Variants in MYZAP observed in about 807,000 individuals in gnomAD.
MYZAP encodes the protein myocardial zonula adherens protein.
MYZAP carries 66 observed loss-of-function variants against 69.4 expected under a neutral mutation model. The ratio of observed to expected loss-of-function variants is 0.95; its 90% CI spans 0.78 to 1.17. The LOEUF (loss-of-function observed/expected upper bound fraction) is 1.17. Among genes scored for constraint, MYZAP ranks in the 50% most tolerant of loss-of-function variants. The pLI is 0.00. For synonymous variants in MYZAP, 256 were observed against 205.9 expected (o/e 1.24, Z -2.09); for missense variants, 611 against 556.2 (o/e 1.10, Z -0.99).
chr15:57,633,592 G>T, intron 7 of MYZAP, 21 bp from the exon 8 acceptor site: 2 of 1,607,562 alleles, frequency 1.2e-6, no homozygotes, highest in Non-Finnish European at 1.7e-6. Context: ...CTGTACTTAG[G>T]AGGGTATATT....
chr15:57,613,686 A>T (rs775106021), intron 2 of MYZAP, among the ~76,000 whole-genome samples: 7 of 152,186 alleles, frequency 4.6e-5, no homozygotes, highest in Admixed American at 6.5e-5. Context: ...GAGGTTTTAA[A>T]AAACTTAATT....
intron 10 of MYZAP, among the ~76,000 whole-genome samples, chr15:57,650,328 T>C (rs556974823): frequency 2.5e-4 from 38 of 152,290 alleles, no homozygotes; most frequent in African/African-American, 8.2e-4. Flanking sequence ...GGGGAGCTTA[T>C]GGGACAGTTG....
At chr15:57,647,411 C>A (rs1411128378) in intron 10 of MYZAP, 2 of 985,260 alleles carry the variant, frequency 2.0e-6, no homozygotes, top group Non-Finnish European at 2.4e-6. Flanking sequence ...TTTAGGGACG[C>A]CTTTATTGCT....
intron 5 of MYZAP, among the ~76,000 whole-genome samples, chr15:57,626,757 G>A (rs1214851401): frequency 1.3e-5 from 2 of 152,116 alleles, no homozygotes; most frequent in Non-Finnish European, 2.9e-5. Context: ...TTCATGTTGG[G>A]ATTCTCCACT....
intron 2 of MYZAP, among the ~76,000 whole-genome samples, chr15:57,615,994 A>G (rs1257920078): frequency 1.3e-5 from 2 of 152,268 alleles, no homozygotes; most frequent in Non-Finnish European, 2.9e-5. Flanking sequence ...AGAAAGGTAT[A>G]AAGAACAAGG....
At chr15:57,606,637 A>G (rs965984532) in intron 2 of MYZAP, among the ~76,000 whole-genome samples, 1 of 151,952 alleles carries the variant, frequency 6.6e-6, no homozygotes, top group Non-Finnish European at 1.5e-5. Context: ...TAAATGACGA[A>G]TTAATGGGTG....
At chr15:57,609,729 T>C (rs112499683) in intron 2 of MYZAP, among the ~76,000 whole-genome samples, 1,551 of 152,302 alleles carry the variant, frequency 0.01, 13 homozygotes, top group South Asian at 0.042. Flanking sequence ...ATTAATAATA[T>C]GGGAGGGAGG....
intron 2 of MYZAP, among the ~76,000 whole-genome samples, chr15:57,614,742 A>T (rs1263969955): frequency 6.6e-6 from 1 of 152,168 alleles, no homozygotes; most frequent in Admixed American, 6.5e-5. Flanking sequence ...TGGAGACGTG[A>T]GTTCCAGTTG....
chr15:57,604,302 C>G lies in MYZAP; in HGVS notation c.109C>G (p.Pro37Ala). 1 of 1,614,192 alleles carries G rather than the reference C, an allele frequency of 6.2e-7. No individual in the cohort carries two copies. The highest frequency in any genetic ancestry group is 8.5e-7 in the Non-Finnish European group (1 of 1,180,032). Residue 37 changes from proline (P) to alanine (A), a missense_variant, in exon 2 of 13, where the codon CCT becomes GCT. By Grantham distance (27) the Pro-to-Ala change is conservative. Transcript: ENST00000267853. The stretch of plus-strand genomic sequence containing the variant: ...TTGCAGACTACGGCTGACCGTACCT[C>G]CTGAGAGTCCAGTTCCTGAGCAATG... ...NVCRLRLTVP[P>A]ESPVPEQCEK...
chr15:57,648,207 G>A, intron 10 of MYZAP: 1 of 985,268 alleles, frequency 1.0e-6, no homozygotes, highest in African/African-American at 1.7e-5. Flanking sequence ...TTCTGTATGT[G>A]TTATATGTAT....
chr15:57,681,941 C>T (rs566262172), intron 12 of MYZAP, among the ~76,000 whole-genome samples: 1 of 152,154 alleles, frequency 6.6e-6, no homozygotes. Context: ...CCTCTATCAC[C>T]TGGTGAATGA....
chr15:57,630,838 A>G (rs2036458625), intron 6 of MYZAP, among the ~76,000 whole-genome samples: 1 of 152,218 alleles, frequency 6.6e-6, no homozygotes, highest in African/African-American at 2.4e-5. Flanking sequence ...GTATCCACAT[A>G]GTTTATTGCT....
intron 1 of MYZAP, among the ~76,000 whole-genome samples, chr15:57,596,788 C>T (rs72743506): frequency 0.014 from 2,196 of 152,286 alleles, 23 homozygotes; most frequent in Non-Finnish European, 0.024. Flanking sequence ...CTTTCGATGC[C>T]GTTCCTTGCC....
In MYZAP at chr15:57,664,964, T is replaced by A. The variant is rs536023685; in HGVS notation, c.1203+3431T>A. Among the ~76,000 whole-genome samples the A allele has an allele frequency of 2.0e-5, 3 of 152,368 alleles. No homozygotes were observed. The East Asian group carries it at 5.8e-4, about 29-fold the overall frequency. The stretch of plus-strand genomic sequence containing the variant: ...ATACTTAAGTGATTAGAAAAGTACC[T>A]GGCTCATGGTAAATGCCATATGTGT... On this transcript the variant is annotated intron_variant, in intron 11 of 12. Transcript: ENST00000267853.
intron 10 of MYZAP, among the ~76,000 whole-genome samples, chr15:57,650,948 G>T (rs1383110486): frequency 3.3e-5 from 5 of 152,224 alleles, no homozygotes; most frequent in African/African-American, 1.2e-4. Context: ...GACACCAATT[G>T]TGATGGTTTA....
intron 10 of MYZAP, among the ~76,000 whole-genome samples, chr15:57,659,682 A>T (rs2038183448): frequency 6.6e-6 from 1 of 152,212 alleles, no homozygotes. Context: ...TAACACTTGG[A>T]TTAATACTTC....
At position 57,629,714 on chromosome 15, in the gene MYZAP, G is replaced by A. The variant is rs148618731; in HGVS notation, c.538G>A (p.Asp180Asn). 126 of 1,609,316 alleles carry A rather than the reference G, an allele frequency of 7.8e-5. No individual in the cohort carries two copies. In the African/African-American group the frequency reaches 1.5e-3, roughly 19 times the overall value. The part of the protein sequence containing the change: ...DSIGLQKTLV[D>N]VTLENSNIKD... ...TTCATCCTCACAGAAAACCCTCGTG[G>A]ATGTGACTTTGGAAAACAGCAACAT... Residue 180 changes from aspartate to asparagine, a missense_variant, in exon 6 of 13, where the codon GAT (aspartate) becomes AAT (asparagine). Transcript: ENST00000267853.
At chr15:57,627,860 G>A (rs1377354301) in intron 5 of MYZAP, among the ~76,000 whole-genome samples, 3 of 152,170 alleles carry the variant, frequency 2.0e-5, no homozygotes, top group Admixed American at 2.0e-4. Flanking sequence ...GGCTGGGGGA[G>A]TGGGTGGCTG....
At chr15:57,619,625 T>G (rs1247838821) in intron 3 of MYZAP, among the ~76,000 whole-genome samples, 1 of 152,234 alleles carries the variant, frequency 6.6e-6, no homozygotes, top group East Asian at 1.9e-4. Context: ...GTTCTGGGAT[T>G]ACAGGTGTAA....
Sources: allele counts gnomAD v4.1 joint callset (sites outside exome capture counted in the v4.1 genomes callset), GRCh38; gene constraint gnomAD v4.1.1; transcripts MANE v1.5; gene names NCBI Gene and HGNC (gene_info 2026-07-23, HGNC 2026-07-21).